Variants in SMARCA4 observed in about 807,000 individuals in gnomAD.
SMARCA4 encodes the protein SWI/SNF related BAF chromatin remodeling complex subunit ATPase 4.
A neutral mutation model predicts 193.9 loss-of-function variants in SMARCA4; 31 were observed. That is an observed-to-expected ratio of 0.16 (90% CI 0.12 to 0.22). The LOEUF is 0.22. Among genes scored for constraint, SMARCA4 ranks in the 10% least tolerant of loss-of-function variants. The probability of loss-of-function intolerance (pLI) is 1.00; values close to 1 mark genes in which losing one functional copy is unlikely to be tolerated. For missense variants in SMARCA4, 1,148 were observed against 2,296.0 expected (o/e 0.50, Z 10.22); for synonymous variants, 942 against 933.1 (o/e 1.01, Z -0.17).
chr19:11,039,407 G>T, intron 29 of SMARCA4: 1 of 1,062,592 alleles, frequency 9.4e-7, no homozygotes, highest in South Asian at 1.5e-5. Flanking sequence ...GCTAAATTAG[G>T]GCACGTTGTG....
At chr19:11,000,647 G>A (rs926866634) in intron 11 of SMARCA4, among the ~76,000 whole-genome samples, 2 of 152,034 alleles carry the variant, frequency 1.3e-5, no homozygotes, top group South Asian at 2.1e-4. Context: ...TTGGGAGGCC[G>A]AGGCAGGCAG....
Position 10,996,429 on chromosome 19 carries a change from C to T in SMARCA4, c.1761+49C>T, listed in dbSNP as rs370190723. ...CCGCCGCGGGTGGGATGGGAGCAGC[C>T]GTCTTCACGTGTGTGGCCTCAGCCT... On this transcript the variant is annotated intron_variant, in intron 10 of 34. Coordinates refer to ENST00000344626, the MANE Select transcript of SMARCA4 (RefSeq NM_003072.5). The T allele has an allele frequency of 1.5e-4, 237 of 1,613,284 alleles. No individual in the cohort carries two copies. The African/African-American group carries it at 2.2e-3, about 15-fold the overall frequency.
At chr19:10,976,156 T>C (rs1324209340) in intron 1 of SMARCA4, among the ~76,000 whole-genome samples, 1 of 152,180 alleles carries the variant, frequency 6.6e-6, no homozygotes, top group Non-Finnish European at 1.5e-5. Context: ...TTGCTGAAAA[T>C]GCCAAATCCT....
intron 13 of SMARCA4, 60 bp from the exon 14 acceptor site, chr19:11,007,842 G>T (rs1418453111): frequency 6.3e-6 from 10 of 1,599,468 alleles, no homozygotes; most frequent in Non-Finnish European, 6.8e-6. Context: ...CTCCCCATGG[G>T]AGTCCCGTCC....
At chr19:10,981,933 G>T (rs1306164430) in intron 1 of SMARCA4, among the ~76,000 whole-genome samples, 1 of 151,992 alleles carries the variant, frequency 6.6e-6, no homozygotes, top group Non-Finnish European at 1.5e-5. Flanking sequence ...GGCTGCAGTG[G>T]GCTATGATGG....
At chr19:10,995,416 G>A (rs2086941644) in intron 9 of SMARCA4, 1 of 462,702 alleles carries the variant, frequency 2.2e-6, no homozygotes, top group South Asian at 1.5e-5. Flanking sequence ...CGGGGACATG[G>A]CCCCTGCCTT....
At position 11,028,004 on chromosome 19, in the gene SMARCA4, A is replaced by C. The variant is rs559019264; in HGVS notation, c.3382+54A>C. The C allele has an allele frequency of 3.8e-6, 6 of 1,581,554 alleles. No homozygotes were observed. The East Asian group carries it at 8.9e-5, about 24-fold the overall frequency. The stretch of plus-strand genomic sequence containing the variant: ...ACAGGGTTTTGTTGTTGTGGCTGCC[A>C]CAGAAGCTCCTCACTGGCATTCCCT... On this transcript the variant is annotated intron_variant, in intron 24 of 34. Transcript: ENST00000344626.
chr19:10,983,949 G>A (rs1359121442), intron 1 of SMARCA4, among the ~76,000 whole-genome samples, 172 bp from the exon 2 acceptor site: 1 of 152,160 alleles, frequency 6.6e-6, no homozygotes, highest in East Asian at 1.9e-4. Context: ...TGCCTGAGAT[G>A]TAGGACTTCC....
At chr19:10,991,800 C>G (rs2086582971) in intron 8 of SMARCA4, among the ~76,000 whole-genome samples, 1 of 151,828 alleles carries the variant, frequency 6.6e-6, no homozygotes, top group South Asian at 2.1e-4. Flanking sequence ...GCGGGGAGAG[C>G]TGGAGGAAGG....
intron 1 of SMARCA4, among the ~76,000 whole-genome samples, chr19:10,973,559 C>T (rs1379590488): frequency 6.6e-6 from 1 of 150,892 alleles, no homozygotes; most frequent in Non-Finnish European, 1.5e-5. Flanking sequence ...CGCCACCACG[C>T]CCAGCTAATT....
At chr19:11,060,641 C>A in intron 34 of SMARCA4, 1 of 219,790 alleles carries the variant, frequency 4.5e-6, no homozygotes. Context: ...AGTGGGGAGC[C>A]GGAGAAGATC....
chr19:11,025,189 T>C (rs982248554), intron 21 of SMARCA4, among the ~76,000 whole-genome samples: 2 of 152,206 alleles, frequency 1.3e-5, no homozygotes, highest in African/African-American at 4.8e-5. Flanking sequence ...CTGCTGGCCC[T>C]GTCCCTGCCA....
intron 15 of SMARCA4, 175 bp from the exon 16 acceptor site, chr19:11,012,774 A>G (rs950723412): frequency 1.0e-5 from 7 of 683,484 alleles, no homozygotes; most frequent in Non-Finnish European, 1.6e-5. Flanking sequence ...GGATGAGGCT[A>G]AGCGATAAAG....
intron 11 of SMARCA4, among the ~76,000 whole-genome samples, chr19:11,001,722 G>A (rs2087658543): frequency 6.6e-6 from 1 of 152,168 alleles, no homozygotes; most frequent in Non-Finnish European, 1.5e-5. Context: ...CCGCTGTGTG[G>A]ACGGTATTGA....
intron 1 of SMARCA4, among the ~76,000 whole-genome samples, chr19:10,963,768 T>C (rs936424304): frequency 1.3e-4 from 8 of 59,588 alleles, no homozygotes; most frequent in Admixed American, 5.8e-4. Flanking sequence ...GAACACTTGA[T>C]TTTTTTTTTT....
intron 30 of SMARCA4, among the ~76,000 whole-genome samples, chr19:11,052,089 C>T (rs934320596): frequency 4.0e-5 from 6 of 151,388 alleles, no homozygotes; most frequent in African/African-American, 7.3e-5. Context: ...AGCGAGACTC[C>T]GTCTCAAAAA....
At position 11,027,919 on chromosome 19, in the gene SMARCA4, G is replaced by C. The variant is rs781587481; in HGVS notation, c.3351G>C (p.Ala1117=). Residue 1117 remains alanine, a synonymous_variant, in exon 24 of 35, where the codon GCG becomes GCC. Transcript: ENST00000344626. ...TGACCATCATGGAAGATTACTTTGC[G>C]TATCGCGGCTTTAAATACCTCAGGC... is the stretch of plus-strand genomic sequence containing the variant. ...SLMTIMEDYF[A]YRGFKYLRLD... 1.2e-6 allele frequency: 2 copies of C among 1,614,058 alleles called. No individual in the cohort carries two copies. The highest frequency in any genetic ancestry group is 4.5e-5 in the East Asian group (2 of 44,894).
At chr19:11,051,079 C>T (rs1053744904) in intron 30 of SMARCA4, among the ~76,000 whole-genome samples, 1 of 152,212 alleles carries the variant, frequency 6.6e-6, no homozygotes, top group Non-Finnish European at 1.5e-5. Flanking sequence ...ATGGAGTTGC[C>T]CACGCAGCCT....
rs2146540082 is a variant in SMARCA4 at position 11,027,764 on chromosome 19, C to T, written c.3216-20C>T. 1.2e-6 allele frequency: 2 copies of T among 1,613,854 alleles called. No homozygotes were observed. Among genetic ancestry groups the T allele is most frequent in the African/African-American group, 1.3e-5 (1 of 75,060 alleles). ...GGTTTAACATCCTGCGCCTTCTCTC[C>T]TGCCTCCTCCACACTCCAGGCTGGA... On this transcript the variant is annotated intron_variant, in intron 23 of 34. Transcript: ENST00000344626.
Sources: gnomAD v4.1 joint callset for allele counts (sites outside exome capture counted in the v4.1 genomes callset) on GRCh38, gnomAD v4.1.1 for gene constraint, MANE v1.5 for transcripts, NCBI Gene and HGNC (gene_info 2026-07-23, HGNC 2026-07-21) for gene names.